The following SUGP1 variants were observed in gnomAD, a reference collection of about 807,000 sequenced individuals.
SUGP1 encodes the protein SURP and G-patch domain-containing protein 1.
A neutral mutation model predicts 76.5 loss-of-function variants in SUGP1; 34 were observed. That is an observed-to-expected ratio of 0.44 (90% CI 0.34 to 0.59). The LOEUF (loss-of-function observed/expected upper bound fraction) is 0.59. SUGP1 is among the 20% of genes least tolerant of loss of function. The pLI, the probability that SUGP1 is intolerant of heterozygous loss-of-function variation, is 0.01. For synonymous variants in SUGP1, 326 were observed against 326.2 expected, an observed-to-expected ratio of 1.00 and a Z score of 0.01; for missense variants, 752 against 851.7, an observed-to-expected ratio of 0.88 and a Z score of 1.46.
intron 7 of SUGP1, among the ~76,000 whole-genome samples, chr19:19,301,057 C>A (rs969789761): frequency 6.6e-6 from 1 of 152,122 alleles, no homozygotes; most frequent in African/African-American, 2.4e-5. Flanking sequence ...ATTTATATAG[C>A]CTTAATCAGG....
In SUGP1 at chr19:19,283,402, T is replaced by C. The variant is rs185157425; in HGVS notation, c.1244-3111A>G. Reference sequence around the variant, plus strand: ...AATTCTCCTGCCTCAGCCTCCCGAGTAGTTGGGACTACAGGCACCTGCCAC... The same window carrying C: ...AATTCTCCTGCCTCAGCCTCCCGAGCAGTTGGGACTACAGGCACCTGCCAC... On this transcript the variant is annotated intron_variant, in intron 8 of 13. Coordinates refer to ENST00000247001, the MANE Select transcript of SUGP1 (RefSeq NM_172231.4). 1.2e-3 allele frequency among the ~76,000 whole-genome samples: 175 copies of C among 151,802 alleles called. 1 individual carries two copies. The highest frequency in any genetic ancestry group is 3.9e-3 in the African/African-American group (163 of 41,418).
At chr19:19,298,988 G>C (rs111947123) in intron 7 of SUGP1, among the ~76,000 whole-genome samples, 102 of 152,328 alleles carry the variant, frequency 6.7e-4, no homozygotes, top group African/African-American at 2.3e-3. Context: ...GGGGGAGAAA[G>C]TGGAGCCCCC....
At chr19:19,306,971 G>A (rs2061322444) in intron 3 of SUGP1, among the ~76,000 whole-genome samples, 1 of 152,168 alleles carries the variant, frequency 6.6e-6, no homozygotes, top group Non-Finnish European at 1.5e-5. Flanking sequence ...TCATGAAATT[G>A]GCCAGCTCAC....
In SUGP1 at chr19:19,297,203, C is replaced by T. The variant is rs2046463449; in HGVS notation, c.1029G>A (p.Leu343=). The T allele has an allele frequency of 1.2e-6, 2 of 1,604,438 alleles. No homozygotes were observed. Among genetic ancestry groups the T allele is most frequent in the Non-Finnish European group, 8.5e-7 (1 of 1,172,616 alleles). ...TGGTGGCTGGGGGTAAGGACCCTGA[C>T]AGGGCCTCAGGAGGGGACTTGCGCT... ...GLKRKSPPEA[L]SGSLPPATTC... The change falls in exon 8 of 14, where the codon CTG becomes CTA. Residue 343 remains leucine (L), a synonymous_variant. Transcript: ENST00000247001.
At chr19:19,308,557 C>T (rs1239296928) in intron 3 of SUGP1, among the ~76,000 whole-genome samples, 1 of 150,470 alleles carries the variant, frequency 6.6e-6, no homozygotes, top group Non-Finnish European at 1.5e-5. Flanking sequence ...TTGTTGGGTG[C>T]CCCCAGCTGC....
chr19:19,291,717 G>A (rs956151266), intron 8 of SUGP1, among the ~76,000 whole-genome samples: 9 of 151,674 alleles, frequency 5.9e-5, no homozygotes, highest in East Asian at 1.9e-4. Context: ...GTGAAACCCC[G>A]TCTCTACTAA....
chr19:19,314,237 C>A (rs1235533578), intron 2 of SUGP1, among the ~76,000 whole-genome samples: 4 of 152,048 alleles, frequency 2.6e-5, no homozygotes, highest in Non-Finnish European at 5.9e-5. Flanking sequence ...GCAGGAGAAT[C>A]TCCTGAATCC....
At position 19,320,485 on chromosome 19, in the gene SUGP1, C is replaced by G; in HGVS notation, c.12G>C (p.Lys4Asn). 6.2e-7 allele frequency: 1 copy of G among 1,610,666 alleles called. No homozygotes were observed. Among genetic ancestry groups the G allele is most frequent in the East Asian group, 2.2e-5 (1 of 44,712 alleles). Residue 4 changes from lysine (K) to asparagine (N), a missense_variant, in exon 1 of 14, where the codon AAG (lysine) becomes AAC (asparagine). Lys to Asn is a moderately conservative substitution (Grantham distance 94, BLOSUM62 0). Around this residue, in one of 2 missense-constraint regions of SUGP1, gnomAD observed 620 missense variants for 617.3 expected, o/e 1.00. Coordinates refer to ENST00000247001, the MANE Select transcript of SUGP1 (RefSeq NM_172231.4). MSL[K>N]MDNRDVAGKA... ...TACCTGCAACATCCCGGTTGTCCAT[C>G]TTGAGACTCATCCAATCCCACAATG...
At chr19:19,310,281 GC>G (rs2061344602) in intron 2 of SUGP1, 81 bp from the exon 3 acceptor site, 1 of 1,073,068 alleles carries the variant, frequency 9.3e-7, no homozygotes, top group Admixed American at 1.7e-5. Context: ...TGAGGATGAG[GC>G]CATCACCTCG....
At chr19:19,312,441 T>A (rs2061359139) in intron 2 of SUGP1, among the ~76,000 whole-genome samples, 2 of 152,182 alleles carry the variant, frequency 1.3e-5, no homozygotes, top group Non-Finnish European at 2.9e-5. Flanking sequence ...ATTCCTCACA[T>A]ACGCTGCTTT....
Position 19,276,595 on chromosome 19 carries a change from T to C in SUGP1, c.*53A>G. ...GTGGGCAGAAATGCAGGCCGGAACATTCCACAGTCCAGGGACGGTTGGTCA... is the reference window on the plus strand; with the variant it reads ...GTGGGCAGAAATGCAGGCCGGAACACTCCACAGTCCAGGGACGGTTGGTCA... On this transcript the variant is annotated 3_prime_UTR_variant, in exon 14 of 14. Transcript: ENST00000247001. The C allele has an allele frequency of 1.2e-6, 2 of 1,611,104 alleles. No individual in the cohort carries two copies. The highest frequency in any genetic ancestry group is 1.7e-6 in the Non-Finnish European group (2 of 1,177,524).
chr19:19,295,828 C>T (rs1423571323), intron 8 of SUGP1, among the ~76,000 whole-genome samples: 1 of 151,890 alleles, frequency 6.6e-6, no homozygotes, highest in African/African-American at 2.4e-5. Context: ...TATGATTGTG[C>T]CAGTGTACTC....
chr19:19,277,361 G>A (rs1291060579), intron 12 of SUGP1, among the ~76,000 whole-genome samples: 7 of 152,098 alleles, frequency 4.6e-5, no homozygotes, highest in Admixed American at 4.6e-4. Flanking sequence ...CAGCCTTGAA[G>A]GGGGCACTCG....
At chr19:19,314,234 A>C (rs1648415569) in intron 2 of SUGP1, among the ~76,000 whole-genome samples, 1 of 152,032 alleles carries the variant, frequency 6.6e-6, no homozygotes, top group African/African-American at 2.4e-5. Flanking sequence ...TGAGCAGGAG[A>C]ATCTCCTGAA....
chr19:19,299,160 T>A (rs552186169), intron 7 of SUGP1, among the ~76,000 whole-genome samples: 30 of 152,274 alleles, frequency 2.0e-4, no homozygotes, highest in Middle Eastern at 3.4e-3. Flanking sequence ...ATCCCAGTTT[T>A]AAAAAAAATT....
chr19:19,317,563 G>A (rs1047978349), intron 1 of SUGP1, among the ~76,000 whole-genome samples: 2 of 152,136 alleles, frequency 1.3e-5, no homozygotes, highest in African/African-American at 2.4e-5. Context: ...TGTTTCTCAG[G>A]CTGGAGTGCA....
chr19:19,318,554 G>A (rs1053280749), intron 1 of SUGP1, among the ~76,000 whole-genome samples: 5 of 151,996 alleles, frequency 3.3e-5, no homozygotes, highest in African/African-American at 7.3e-5. Context: ...TCAGCCACCC[G>A]AGTGGCTAGG....
chr19:19,290,160 G>C (rs1272897589), intron 8 of SUGP1, among the ~76,000 whole-genome samples: 1 of 152,168 alleles, frequency 6.6e-6, no homozygotes, highest in Non-Finnish European at 1.5e-5. Flanking sequence ...GGCACACTGA[G>C]ACTAGTTGGA....
intron 8 of SUGP1, among the ~76,000 whole-genome samples, chr19:19,294,942 G>C (rs758568470): frequency 6.6e-6 from 1 of 152,044 alleles, no homozygotes; most frequent in Non-Finnish European, 1.5e-5. Flanking sequence ...GCTGACGAGG[G>C]GGTTAATATC....
Sources: allele counts gnomAD v4.1 joint callset (sites outside exome capture counted in the v4.1 genomes callset), GRCh38; gene constraint gnomAD v4.1.1; regional missense constraint gnomAD v4.1.1; transcripts MANE v1.5; gene names NCBI Gene and HGNC (gene_info 2026-07-23, HGNC 2026-07-21).